The following KATNAL1 variants were observed in gnomAD, a reference collection of about 807,000 sequenced individuals.
The protein encoded by KATNAL1 is katanin catalytic subunit A1 like 1.
In KATNAL1, 32 loss-of-function variants were observed where a neutral mutation model predicts 55.2. That is an observed-to-expected ratio of 0.58 (90% confidence interval 0.44 to 0.78). The LOEUF is 0.78. KATNAL1 is among the 30% of genes least tolerant of loss of function. The pLI, the probability that KATNAL1 is intolerant of heterozygous loss-of-function variation, is 0.00. For missense variants in KATNAL1, 466 were observed against 600.9 expected (o/e 0.78, Z 2.35); for synonymous variants, 193 against 193.6 (o/e 1.00, Z 0.02).
chr13:30,231,382 A>G lies in KATNAL1; in HGVS notation c.817T>C (p.Ser273Pro), dbSNP rs780327638. Residue 273 changes from serine (S) to proline (P), a missense_variant, in exon 7 of 11, where the codon TCG becomes CCG. Physicochemically the swap from Ser to Pro is moderately conservative, Grantham distance 74. Transcript: ENST00000380615. ...TECGTTFFNV[S>P]SSTLTSKYRG... ...TATTTAGATGTCAGTGTAGAAGACG[A>G]AACGTTGAAGAATGTTGTACCACAT... 39 of 1,610,024 alleles carry G rather than the reference A, an allele frequency of 2.4e-5. No homozygotes were observed. The highest frequency in any genetic ancestry group is 3.1e-5 in the Non-Finnish European group (37 of 1,178,172).
chr13:30,282,126 A>C (rs1881400612), intron 2 of KATNAL1, among the ~76,000 whole-genome samples: 1 of 152,192 alleles, frequency 6.6e-6, no homozygotes, highest in Non-Finnish European at 1.5e-5. Flanking sequence ...TGATCAATTA[A>C]AACATTAAAT....
At chr13:30,262,735 C>T (rs1323993168) in intron 3 of KATNAL1, among the ~76,000 whole-genome samples, 1 of 151,598 alleles carries the variant, frequency 6.6e-6, no homozygotes, top group Non-Finnish European at 1.5e-5. Flanking sequence ...CAATAGCTTA[C>T]CAACCAAAAA....
chr13:30,263,457 A>G (rs1274453441), intron 3 of KATNAL1, among the ~76,000 whole-genome samples: 3 of 149,466 alleles, frequency 2.0e-5, no homozygotes, highest in South Asian at 2.1e-4. Flanking sequence ...ACATGATTGT[A>G]TATCTAGAAA....
chr13:30,262,432 T>C (rs2137480591), intron 3 of KATNAL1, among the ~76,000 whole-genome samples: 1 of 152,230 alleles, frequency 6.6e-6, no homozygotes, highest in African/African-American at 2.4e-5. Context: ...ATCCAGGAAC[T>C]GGTTTTTTGA....
At chr13:30,299,588 A>T (rs1882737549) in intron 1 of KATNAL1, among the ~76,000 whole-genome samples, 1 of 152,216 alleles carries the variant, frequency 6.6e-6, no homozygotes, top group African/African-American at 2.4e-5. Flanking sequence ...ATAAATTAGA[A>T]GAATTTCTAG....
chr13:30,285,348 C>T (rs942619317), intron 1 of KATNAL1, among the ~76,000 whole-genome samples: 8 of 152,120 alleles, frequency 5.3e-5, no homozygotes, highest in Admixed American at 2.6e-4. Context: ...GGCAGGACCA[C>T]GTGGTGGTAA....
chr13:30,254,670 A>G, intron 4 of KATNAL1, among the ~76,000 whole-genome samples: 1 of 152,206 alleles, frequency 6.6e-6, no homozygotes, highest in East Asian at 1.9e-4. Flanking sequence ...ATGTGATGAC[A>G]GATCCTGAAT....
intron 9 of KATNAL1, among the ~76,000 whole-genome samples, chr13:30,219,706 G>A (rs1236473034): frequency 6.6e-6 from 1 of 152,118 alleles, no homozygotes; most frequent in Non-Finnish European, 1.5e-5. Context: ...TGGGGAAAAA[G>A]CATTTCCCAG....
chr13:30,294,258 C>T (rs1028323297), intron 1 of KATNAL1, among the ~76,000 whole-genome samples: 8 of 151,938 alleles, frequency 5.3e-5, no homozygotes, highest in Non-Finnish European at 1.2e-4. Context: ...GTAGATCTCT[C>T]GTGCCAAAGA....
chr13:30,261,127 T>G (rs1049569733), intron 3 of KATNAL1, among the ~76,000 whole-genome samples: 3 of 151,790 alleles, frequency 2.0e-5, no homozygotes, highest in Non-Finnish European at 4.4e-5. Context: ...CTAAGCTTCA[T>G]AGTGAGGGAG....
chr13:30,214,262 G>T (rs1050320557), intron 9 of KATNAL1, among the ~76,000 whole-genome samples: 16 of 152,172 alleles, frequency 1.1e-4, no homozygotes, highest in Non-Finnish European at 4.4e-5. Context: ...ACTCCTCAAT[G>T]AAATAAAAGA....
chr13:30,286,896 A>C (rs1881824202), intron 1 of KATNAL1, among the ~76,000 whole-genome samples: 2 of 152,154 alleles, frequency 1.3e-5, no homozygotes, highest in Admixed American at 6.5e-5. Flanking sequence ...CAAAGGAGAT[A>C]ATTTTGGAAG....
At chr13:30,302,312 C>T (rs1416318876) in intron 1 of KATNAL1, among the ~76,000 whole-genome samples, 4 of 152,098 alleles carry the variant, frequency 2.6e-5, no homozygotes, top group South Asian at 2.1e-4. Flanking sequence ...TGTAAGGCCA[C>T]GTGGAGTTCA....
At chr13:30,219,600 T>A (rs984816067) in intron 9 of KATNAL1, among the ~76,000 whole-genome samples, 21 of 152,244 alleles carry the variant, frequency 1.4e-4, no homozygotes, top group African/African-American at 4.8e-4. Flanking sequence ...ATGTCTTTCA[T>A]ATAGCAAAGA....
Position 30,203,611 on chromosome 13 carries a change from T to C in KATNAL1, c.*4929A>G, listed in dbSNP as rs993580638. The C allele has an allele frequency of 1.3e-5, 2 of 152,162 alleles. No homozygotes were observed. Among genetic ancestry groups the C allele is most frequent in the African/African-American group, 2.4e-5 (1 of 41,446 alleles). 9.4% of individuals were successfully genotyped at this position (152,162 alleles called of 1,614,324 possible). A position where few individuals can be genotyped will look rare whatever the true frequency, so the allele number is the denominator to read the frequency against. On this transcript the variant is annotated 3_prime_UTR_variant, in exon 11 of 11. Transcript: ENST00000380615. ...ACACACTGTTGGTAATAAAGCAATA[T>C]CTAGGGTTTTTTTCATTTATTTTCT...
chr13:30,227,650 G>T (rs2137387521), intron 8 of KATNAL1, 104 bp from the exon 9 acceptor site: 2 of 1,251,466 alleles, frequency 1.6e-6, no homozygotes, highest in East Asian at 4.9e-5. Flanking sequence ...CAACGATAAA[G>T]AAAGTGCAGT....
At chr13:30,232,300 G>A (rs1179750088) in intron 6 of KATNAL1, among the ~76,000 whole-genome samples, 1 of 152,106 alleles carries the variant, frequency 6.6e-6, no homozygotes, top group Non-Finnish European at 1.5e-5. Flanking sequence ...TTCCTTAAGA[G>A]GAATTCTGAT....
intron 4 of KATNAL1, among the ~76,000 whole-genome samples, chr13:30,252,935 C>T (rs573758026): frequency 4.7e-4 from 71 of 152,092 alleles, no homozygotes; most frequent in Admixed American, 2.1e-3. Flanking sequence ...TTAGTAGAGA[C>T]GGGGTTACAC....
intron 2 of KATNAL1, among the ~76,000 whole-genome samples, chr13:30,282,049 TTC>T (rs1881395031): frequency 2.0e-5 from 3 of 150,558 alleles, no homozygotes; most frequent in Admixed American, 6.6e-5. Context: ...AAAAAAAAAA[TTC>T]TTTTTTAAAA....
Sources: allele counts gnomAD v4.1 joint callset (sites outside exome capture counted in the v4.1 genomes callset), GRCh38; gene constraint gnomAD v4.1.1; transcripts MANE v1.5; gene names NCBI Gene and HGNC (gene_info 2026-07-23, HGNC 2026-07-21).